The following ATP8B1 variants were observed in gnomAD, a reference collection of about 807,000 sequenced individuals.
ATP8B1 encodes the protein ATPase phospholipid transporting 8B1.
Under a neutral mutation model 149.9 loss-of-function variants are expected in ATP8B1, and 80 were observed. The observed-to-expected ratio is 0.53, with a 90% CI of 0.45 to 0.64. The LOEUF is 0.64. ATP8B1 is among the 30% of genes least tolerant of loss of function. ATP8B1 has a pLI of 0.00. For synonymous variants in ATP8B1, 536 were observed against 562.8 expected (o/e 0.95, Z 0.67); for missense variants, 1,247 against 1,552.6 (o/e 0.80, Z 3.31).
At chr18:57,780,845 T>C (rs1173931101) in intron 1 of ATP8B1, among the ~76,000 whole-genome samples, 1 of 152,244 alleles carries the variant, frequency 6.6e-6, no homozygotes, top group Non-Finnish European at 1.5e-5. Flanking sequence ...CCCCTCGTCC[T>C]GACATAACTG....
intron 1 of ATP8B1, among the ~76,000 whole-genome samples, chr18:57,769,011 G>A (rs1359996846): frequency 6.6e-6 from 1 of 152,234 alleles, no homozygotes; most frequent in Non-Finnish European, 1.5e-5. Flanking sequence ...CAGGTGGGCA[G>A]CTTCCCAGTG....
At chr18:57,720,913 C>T (rs867791356) in intron 2 of ATP8B1, among the ~76,000 whole-genome samples, 85 of 150,856 alleles carry the variant, frequency 5.6e-4, no homozygotes, top group African/African-American at 2.0e-3. Flanking sequence ...AGAAACCCTA[C>T]AAGCCAGAAG....
chr18:57,703,672 G>A (rs1360333383), intron 4 of ATP8B1, among the ~76,000 whole-genome samples: 3 of 151,954 alleles, frequency 2.0e-5, no homozygotes, highest in Admixed American at 1.3e-4. Context: ...TGATTCTGGC[G>A]CTAACTAGTG....
intron 2 of ATP8B1, among the ~76,000 whole-genome samples, chr18:57,721,523 G>A (rs1449114472): frequency 2.6e-5 from 4 of 151,884 alleles, no homozygotes; most frequent in East Asian, 3.9e-4. Context: ...ATGGTAAAGG[G>A]ATCAATTCGA....
rs753439228 is a variant in ATP8B1, at chr18:57,731,739, G to C, written c.69C>G (p.Pro23=). Residue 23 remains proline, a synonymous_variant, in exon 2 of 28, where the codon CCC becomes CCG. Transcript: ENST00000648908. ...EDSQPNDEVV[P]YSDDETEDEL... is the part of the protein sequence containing the mutation. ...CATCTTCTGTTTCATCATCACTGTA[G>C]GGAACCACTTCGTCATTAGGCTGAG... The C allele has an allele frequency of 6.2e-7, 1 of 1,614,056 alleles. No individual in the cohort carries two copies. Among genetic ancestry groups the C allele is most frequent in the Admixed American group, 1.7e-5 (1 of 59,994 alleles).
In ATP8B1 at chr18:57,701,069, T is replaced by C. The variant is rs1913092624; in HGVS notation, c.524A>G (p.Asn175Ser). Residue 175 changes from asparagine to serine, a missense_variant, in exon 6 of 28, where the codon AAT becomes AGT. Physicochemically the swap from Asn to Ser is conservative, Grantham distance 46. This residue lies in a region of ATP8B1 where 853 missense variants were observed against 1,035.7 expected (regional missense o/e 0.82). Coordinates refer to ENST00000648908, the MANE Select transcript of ATP8B1 (RefSeq NM_001374385.1). ...ARHKMDKEIN[N>S]RTCEVIKDGR... ...ATCCTTAATGACTTCACACGTCCTA[T>C]TGTTGATTTCCTTATCCATTTTATG... The C allele has an allele frequency of 1.2e-6, 2 of 1,614,204 alleles. No individual in the cohort carries two copies. The highest frequency in any genetic ancestry group is 1.7e-6 in the Non-Finnish European group (2 of 1,180,016).
rs1429434105 is a variant in ATP8B1 at position 57,731,628 on chromosome 18, T to G, written c.180A>C (p.Lys60Asn). The change falls in exon 2 of 28, where the codon AAA (lysine) becomes AAC (asparagine). Residue 60 changes from lysine to asparagine, a missense_variant and splice_region_variant. Transcript: ENST00000648908. The stretch of plus-strand genomic sequence containing the variant: ...GTCACCGGGACTTCATGTGGTTACC[T>G]TTTCTGAATGGCTCCCGGTTCTCCT... ...EAEENREPFR[K>N]ECTWQVKAND... 2 of 1,613,976 alleles carry G rather than the reference T, an allele frequency of 1.2e-6. No homozygotes were observed. Among genetic ancestry groups the G allele is most frequent in the Admixed American group, 3.3e-5 (2 of 59,986 alleles).
chr18:57,789,924 A>G (rs1335455206), intron 1 of ATP8B1, among the ~76,000 whole-genome samples: 1 of 152,068 alleles, frequency 6.6e-6, no homozygotes, highest in African/African-American at 2.4e-5. Context: ...CTATGTTGCA[A>G]TTCCCAAAAC....
At chr18:57,740,060 T>C (rs2079896239) in intron 1 of ATP8B1, among the ~76,000 whole-genome samples, 1 of 152,168 alleles carries the variant, frequency 6.6e-6, no homozygotes. Context: ...ATTACTGACA[T>C]ACCGGCTATG....
rs34489428 is a variant in ATP8B1 at position 57,731,597 on chromosome 18, G to A, written c.181+30C>T. The A allele has an allele frequency of 1.3e-3, 2,053 of 1,611,748 alleles. 21 individuals carry two copies. The African/African-American group carries it at 0.024, about 19-fold the overall frequency. On this transcript the variant is annotated intron_variant, in intron 2 of 27. Transcript: ENST00000648908. ...ATGACCCACATGAGGATTTATAAGC[G>A]ACCTAGTCACCGGGACTTCATGTGG... is the stretch of plus-strand genomic sequence containing the variant.
At chr18:57,683,934 C>G in intron 15 of ATP8B1, 102 bp downstream of exon 15, 11 of 1,423,636 alleles carry the variant, frequency 7.7e-6, no homozygotes, top group Non-Finnish European at 1.1e-5. Context: ...TAATATGAGA[C>G]AGATTTGTGT....
Position 57,731,832 on chromosome 18 carries a change from G to A in ATP8B1, c.-25C>T. 1 of 1,613,732 alleles carries A rather than the reference G, an allele frequency of 6.2e-7. No homozygotes were observed. The highest frequency in any genetic ancestry group is 8.5e-7 in the Non-Finnish European group (1 of 1,179,772). On this transcript the variant is annotated splice_region_variant and 5_prime_UTR_variant, in exon 2 of 28. The change creates a premature stop within an existing upstream ORF in the 5' untranslated region. Coordinates refer to ENST00000648908, the MANE Select transcript of ATP8B1 (RefSeq NM_001374385.1). ...TTCTGCTGGCAAATTGGAACTACCTGCTTAAAAGGAAAGAGAAACCAGAGT... is the reference window on the plus strand; with the variant it reads ...TTCTGCTGGCAAATTGGAACTACCTACTTAAAAGGAAAGAGAAACCAGAGT...
chr18:57,765,962 ACT>A (rs1391408718), intron 1 of ATP8B1, among the ~76,000 whole-genome samples: 2 of 138,620 alleles, frequency 1.4e-5, no homozygotes, highest in Non-Finnish European at 3.2e-5. Context: ...ACAAAGCAAG[ACT>A]CTGTCTCAAA....
intron 1 of ATP8B1, among the ~76,000 whole-genome samples, chr18:57,745,297 T>C (rs898569408): frequency 5.9e-5 from 9 of 151,990 alleles, no homozygotes; most frequent in Non-Finnish European, 2.9e-5. Flanking sequence ...TTTGAGACAG[T>C]GTCTTGCTCT....
chr18:57,649,841 A>G (rs1909486703), intron 27 of ATP8B1, among the ~76,000 whole-genome samples: 1 of 152,180 alleles, frequency 6.6e-6, no homozygotes, highest in Non-Finnish European at 1.5e-5. Context: ...TCCAGCATCC[A>G]TATGAAGCTA....
At position 57,648,318 on chromosome 18, in the gene ATP8B1, G is replaced by A; in HGVS notation, c.*170C>T. Reference sequence around the variant, plus strand: ...AGGACTTTTAAAAGTCCTATTTCTTGGCTCTGCTATTGTTTAATAGTCCAA... The same window carrying A: ...AGGACTTTTAAAAGTCCTATTTCTTAGCTCTGCTATTGTTTAATAGTCCAA... On this transcript the variant is annotated 3_prime_UTR_variant, in exon 28 of 28. Coordinates refer to ENST00000648908, the MANE Select transcript of ATP8B1 (RefSeq NM_001374385.1). 1 of 831,528 alleles carries A rather than the reference G, an allele frequency of 1.2e-6. No homozygotes were observed. Among genetic ancestry groups the A allele is most frequent in the Non-Finnish European group, 2.0e-6 (1 of 512,668 alleles). The allele number at this position is 831,528 out of a possible 1,614,324, so 51.5% of individuals were successfully genotyped here.
At chr18:57,745,924 G>T (rs901064758) in intron 1 of ATP8B1, among the ~76,000 whole-genome samples, 2 of 152,092 alleles carry the variant, frequency 1.3e-5, no homozygotes, top group Non-Finnish European at 2.9e-5. Context: ...ACCTCCCAAG[G>T]TGTTGGGATG....
chr18:57,701,028 A>G lies in ATP8B1; in HGVS notation c.554+11T>C. ...CATCCTTGAAACTCAGTTACTAATT[A>G]GACACAGTACCTGCCATCCTTAATG... On this transcript the variant is annotated intron_variant, in intron 6 of 27. Transcript: ENST00000648908. 1 of 1,610,002 alleles carries G rather than the reference A, an allele frequency of 6.2e-7. No homozygotes were observed. The highest frequency in any genetic ancestry group is 8.5e-7 in the Non-Finnish European group (1 of 1,176,218).
At chr18:57,765,268 G>A (rs1054870598) in intron 1 of ATP8B1, among the ~76,000 whole-genome samples, 4 of 152,242 alleles carry the variant, frequency 2.6e-5, no homozygotes, top group African/African-American at 9.6e-5. Flanking sequence ...AGGAAGGGGA[G>A]TTGTTTAATG....
Sources: gnomAD v4.1 joint callset for allele counts (sites outside exome capture counted in the v4.1 genomes callset) on GRCh38, gnomAD v4.1.1 for gene constraint, gnomAD v4.1.1 regional missense constraint, MANE v1.5 for transcripts, NCBI Gene and HGNC (gene_info 2026-07-23, HGNC 2026-07-21) for gene names.